LRRC32: variants seen among roughly 807,000 people sequenced by gnomAD.
LRRC32 encodes the protein leucine rich repeat containing 32.
A neutral mutation model predicts 15.0 loss-of-function variants in LRRC32; 5 were observed. That is an observed-to-expected ratio of 0.33 (90% CI 0.17 to 0.70). The LOEUF (loss-of-function observed/expected upper bound fraction) is 0.70. LRRC32 is among the 30% of genes least tolerant of loss of function. The pLI, the probability that LRRC32 is intolerant of heterozygous loss-of-function variation, is 0.66. For missense variants in LRRC32, 803 were observed against 854.2 expected (o/e 0.94, Z 0.75); for synonymous variants, 391 against 403.9 (o/e 0.97, Z 0.38).
At chr11:76,666,044 C>G (rs1952621015) in intron 1 of LRRC32, 86 bp from the exon 2 acceptor site, 2 of 1,277,906 alleles carry the variant, frequency 1.6e-6, no homozygotes, top group Non-Finnish European at 2.3e-6. Flanking sequence ...CATTCTGTGC[C>G]TGCCCTCAGG....
chr11:76,659,435 C>T lies in LRRC32; in HGVS notation c.*169G>A, dbSNP rs566609731. On this transcript the variant is annotated 3_prime_UTR_variant, in exon 3 of 3. Coordinates refer to ENST00000260061, the MANE Select transcript of LRRC32 (RefSeq NM_001128922.2). ...CCACAGCTGGACCCAAAGTGCAGCC[C>T]GGGAAGGGGGTCACCCACTGATGCA... is the stretch of plus-strand genomic sequence containing the variant. The T allele has an allele frequency of 3.7e-5, 27 of 732,762 alleles. No individual in the cohort carries two copies. Among genetic ancestry groups the T allele is most frequent in the East Asian group, 2.2e-4 (8 of 36,508 alleles). 45.4% of individuals were successfully genotyped at this position (732,762 alleles called of 1,614,324 possible). A position where few individuals can be genotyped will look rare whatever the true frequency, so the allele number is the denominator to read the frequency against.
intron 1 of LRRC32, among the ~76,000 whole-genome samples, chr11:76,667,745 A>G (rs1952648807): frequency 6.6e-6 from 1 of 152,248 alleles, no homozygotes; most frequent in Non-Finnish European, 1.5e-5. Context: ...ACTGGGGAGC[A>G]TGCCCTGCCT....
In LRRC32 at chr11:76,660,222, C is replaced by G; in HGVS notation, c.1371G>C (p.Leu457=). ...TGTGGAGGAAGGCCCCTGCCCTGAG[C>G]AGCTCTATCTCATTATCCACCAGGC... The part of the protein sequence containing the change: ...SLSLVDNEIE[L]LRAGAFLHTP... Residue 457 remains leucine, a synonymous_variant, in exon 3 of 3, where the codon CTG becomes CTC. Transcript: ENST00000260061. 1 of 1,575,482 alleles carries G rather than the reference C, an allele frequency of 6.3e-7. No individual in the cohort carries two copies. The highest frequency in any genetic ancestry group is 8.6e-7 in the Non-Finnish European group (1 of 1,162,788).
chr11:76,666,694 G>A (rs769966112), intron 1 of LRRC32, among the ~76,000 whole-genome samples: 11 of 152,216 alleles, frequency 7.2e-5, no homozygotes, highest in Non-Finnish European at 1.0e-4. Context: ...TAAGGGGACC[G>A]CACAGGCCCT....
chr11:76,668,768 G>A (rs547753979), intron 1 of LRRC32, among the ~76,000 whole-genome samples: 80 of 152,312 alleles, frequency 5.3e-4, no homozygotes, highest in African/African-American at 1.9e-3. Context: ...AGTGCCAGGT[G>A]AGGACAAGGA....
At chr11:76,666,136 A>G (rs1010446054) in intron 1 of LRRC32, among the ~76,000 whole-genome samples, 178 bp from the exon 2 acceptor site, 6 of 152,198 alleles carry the variant, frequency 3.9e-5, no homozygotes, top group Admixed American at 3.3e-4. Flanking sequence ...CCTGCAGCCC[A>G]TCATAGTAGG....
At chr11:76,662,590 T>C (rs1261191629) in intron 2 of LRRC32, 1 of 152,152 alleles carries the variant, frequency 6.6e-6, no homozygotes, top group Non-Finnish European at 1.5e-5. Flanking sequence ...GGACCAAAAT[T>C]CTTCCTGTGC....
Position 76,659,749 on chromosome 11 carries a change from G to C in LRRC32, c.1844C>G (p.Pro615Arg), listed in dbSNP as rs1325790852. The change falls in exon 3 of 3, where the codon CCC (proline) becomes CGC (arginine). Residue 615 changes from proline to arginine, a missense_variant. By Grantham distance (103) the Pro-to-Arg change is moderately radical (BLOSUM62 -2). Transcript: ENST00000260061. ...QEEVSLSHVR[P>R]EDCEKGGLKN... ...CAGTCCCCCCTTCTCACAGTCCTCG[G>C]GACGCACGTGGCTCAGGGACACCTC... is the stretch of plus-strand genomic sequence containing the variant. 2 of 1,614,212 alleles carry C rather than the reference G, an allele frequency of 1.2e-6. No homozygotes were observed. Among genetic ancestry groups the C allele is most frequent in the Non-Finnish European group, 1.7e-6 (2 of 1,180,032 alleles).
At chr11:76,662,880 C>G (rs1952561124) in intron 2 of LRRC32, 1 of 152,342 alleles carries the variant, frequency 6.6e-6, no homozygotes, top group Admixed American at 6.5e-5. Context: ...CCCCCACCTC[C>G]CACCCCAGCC....
At chr11:76,664,928 G>A (rs1479862617) in intron 2 of LRRC32, among the ~76,000 whole-genome samples, 2 of 152,246 alleles carry the variant, frequency 1.3e-5, no homozygotes, top group Non-Finnish European at 1.5e-5. Flanking sequence ...GAAGGGCTGC[G>A]GGCAGGCAGC....
Position 76,659,500 on chromosome 11 carries a change from G to T in LRRC32, c.*104C>A. ...AAGGTGTCCTGGGCTGTAATTTGGA[G>T]ACCAGAGTTCTGGGATCCCGGATCA... is the stretch of plus-strand genomic sequence containing the variant. On this transcript the variant is annotated 3_prime_UTR_variant, in exon 3 of 3. Coordinates refer to ENST00000260061, the MANE Select transcript of LRRC32 (RefSeq NM_001128922.2). 2 of 1,260,490 alleles carry T rather than the reference G, an allele frequency of 1.6e-6. No homozygotes were observed. The highest frequency in any genetic ancestry group is 2.2e-6 in the Non-Finnish European group (2 of 915,638). 78.1% of individuals were successfully genotyped at this position (1,260,490 alleles called of 1,614,324 possible).
chr11:76,665,802 G>A, intron 2 of LRRC32, 69 bp downstream of exon 2: 1 of 1,597,626 alleles, frequency 6.3e-7, no homozygotes, highest in Non-Finnish European at 8.6e-7. Context: ...TTCTGGGGCT[G>A]GGGCACTAGC....
Position 76,665,956 on chromosome 11 carries a change from GCT to G in LRRC32, c.-4_-3del. On this transcript the variant is annotated splice_region_variant and 5_prime_UTR_variant, in exon 2 of 3. Transcript: ENST00000260061. ...GAGCAGCAGGATCTGGGGTCTCATG[GCT>G]CTGTGTAAGGCGGAGAGGAAAGGGG... 1 of 1,613,890 alleles carries G rather than the reference GCT, an allele frequency of 6.2e-7. No individual in the cohort carries two copies. The highest frequency in any genetic ancestry group is 8.5e-7 in the Non-Finnish European group (1 of 1,179,840).
At chr11:76,666,034 C>T in intron 1 of LRRC32, 76 bp from the exon 2 acceptor site, 1 of 1,344,678 alleles carries the variant, frequency 7.4e-7, no homozygotes, top group Non-Finnish European at 1.1e-6. Flanking sequence ...CACTCCCACC[C>T]ATTCTGTGCC....
rs1484511744 is a variant in LRRC32, at chr11:76,659,955, G to A, written c.1638C>T (p.Asn546=). The A allele has an allele frequency of 1.2e-6, 2 of 1,614,110 alleles. No individual in the cohort carries two copies. Among genetic ancestry groups the A allele is most frequent in the Non-Finnish European group, 1.7e-6 (2 of 1,180,050 alleles). Residue 546 remains asparagine, a synonymous_variant, in exon 3 of 3, where the codon AAC becomes AAT. Coordinates refer to ENST00000260061, the MANE Select transcript of LRRC32 (RefSeq NM_001128922.2). ...VSLEVLDLRN[N]SFSLLPGSAM... ...CACTGCCTGGCAGGAGGCTGAAGCT[G>A]TTGTTTCGCAGGTCCAGCACCTCCA...
rs1418773428 is a variant in LRRC32 at position 76,660,966 on chromosome 11, G to A, written c.627C>T (p.Leu209=). ...GGAGGCTGAAGTCGGAGATGCAGGT[G>A]AGGGAATTCCTGGAGAGGTTGAGAT... ...LTHLNLSRNS[L]TCISDFSLQQ... The change falls in exon 3 of 3, where the codon CTC becomes CTT. Residue 209 remains leucine (L), a synonymous_variant. Coordinates refer to ENST00000260061, the MANE Select transcript of LRRC32 (RefSeq NM_001128922.2). 1 of 1,614,062 alleles carries A rather than the reference G, an allele frequency of 6.2e-7. No homozygotes were observed.
chr11:76,669,032 C>G (rs1952668828), intron 1 of LRRC32, among the ~76,000 whole-genome samples: 1 of 152,222 alleles, frequency 6.6e-6, no homozygotes. Context: ...GCCCACCACT[C>G]ACCAGCTCTG....
rs370269783 is a variant in LRRC32 at position 76,661,457 on chromosome 11, C to T, written c.136G>A (p.Val46Met). 8 of 1,613,322 alleles carry T rather than the reference C, an allele frequency of 5.0e-6. No homozygotes were observed. The African/African-American group carries it at 6.7e-5, about 13-fold the overall frequency. ...QVLGLLQVPSVLPPDTETLDL... is the reference protein window; with the variant it reads ...QVLGLLQVPSMLPPDTETLDL... Reference sequence around the variant, plus strand: ...AGGGTCTCAGTGTCTGGCGGGAGCACCGAGGGGACCTGGAGCAGGCCCAGA... The same window carrying T: ...AGGGTCTCAGTGTCTGGCGGGAGCATCGAGGGGACCTGGAGCAGGCCCAGA... Residue 46 changes from valine to methionine, a missense_variant, in exon 3 of 3, where the codon GTG becomes ATG. Transcript: ENST00000260061.
rs79905125 is a variant in LRRC32 at position 76,664,749 on chromosome 11, G to T, written c.84+1122C>A. ...TCACCCGCTTCCCCTCTGCCTGTTG[G>T]GTAGTCAAGGACTTTCCCCTCTGAG... On this transcript the variant is annotated intron_variant, in intron 2 of 2. Transcript: ENST00000260061. Among the ~76,000 whole-genome samples the T allele has an allele frequency of 2.0e-5, 3 of 152,308 alleles. No homozygotes were observed. In the South Asian group the frequency reaches 6.2e-4, roughly 32 times the overall value.
Sources: allele counts gnomAD v4.1 joint callset (sites outside exome capture counted in the v4.1 genomes callset), GRCh38; gene constraint gnomAD v4.1.1; transcripts MANE v1.5; gene names NCBI Gene and HGNC (gene_info 2026-07-23, HGNC 2026-07-21).